KLF8: variants seen among roughly 807,000 people sequenced by gnomAD.
The protein encoded by KLF8 is Krueppel-like factor 8.
KLF8 carries 10 observed loss-of-function variants against 18.2 expected under a neutral mutation model. That is an observed-to-expected ratio of 0.55 (90% CI 0.34 to 0.93). The LOEUF (loss-of-function observed/expected upper bound fraction) is 0.93. KLF8 is among the 40% of genes least tolerant of loss of function. KLF8 has a pLI of 0.02. For synonymous variants in KLF8, 109 were observed against 97.3 expected, an observed-to-expected ratio of 1.12 and a Z score of -0.71; for missense variants, 264 against 277.9, an observed-to-expected ratio of 0.95 and a Z score of 0.36.
chrX:56,209,560 C>T, the KLF8 span, among the ~76,000 whole-genome samples: 2 of 111,655 alleles, frequency 1.8e-5, no homozygotes, highest in African/African-American at 6.5e-5. Context: ...ACCCATGAGG[C>T]AGAGGTTGTG....
chrX:56,248,968 C>T (rs1402389830), intron 1 of KLF8, among the ~76,000 whole-genome samples: 2 of 111,865 alleles, frequency 1.8e-5, no homozygotes, highest in Non-Finnish European at 3.8e-5. Flanking sequence ...TAAACACCTA[C>T]CATGTACCAG....
Position 56,285,053 on chromosome X carries a change from C to CACACTCAA in KLF8, c.*561_*568dup, listed in dbSNP as rs1320754283. ...CCAGTGAATAAGCTGAGTCCCATAC[C>CACACTCAA]ACACTCAAAAGGTTTTAATAAATCT... On this transcript the variant is annotated 3_prime_UTR_variant, in exon 6 of 6. Coordinates refer to ENST00000468660, the MANE Select transcript of KLF8 (RefSeq NM_007250.5). 1.8e-5 allele frequency: 2 copies of CACACTCAA among 111,661 alleles called. No individual in the cohort carries two copies. The highest frequency in any genetic ancestry group is 1.9e-4 in the Admixed American group (2 of 10,491). 9.2% of individuals were successfully genotyped at this position (111,661 alleles called of 1,213,427 possible).
At chrX:56,202,755 A>T in the KLF8 span, among the ~76,000 whole-genome samples, 6 of 111,118 alleles carry the variant, frequency 5.4e-5, no homozygotes, top group Non-Finnish European at 9.5e-5. Context: ...AAATGACTGA[A>T]TATCATTCTT....
chrX:56,182,714 T>C, the KLF8 span, among the ~76,000 whole-genome samples: 227 of 112,840 alleles, frequency 2.0e-3, no homozygotes, highest in African/African-American at 7.0e-3. Flanking sequence ...TGTAGGTCTG[T>C]TGGAGTTTGT....
At chrX:56,089,805 G>T in the KLF8 span, among the ~76,000 whole-genome samples, 1 of 112,268 alleles carries the variant, frequency 8.9e-6, no homozygotes, top group South Asian at 3.7e-4. Context: ...GTCTTATGTG[G>T]ACCCCACACA....
chrX:55,949,882 A>G, the KLF8 span, among the ~76,000 whole-genome samples: 1 of 111,345 alleles, frequency 9.0e-6, no homozygotes, highest in Non-Finnish European at 1.9e-5. Context: ...TGGGACCCAT[A>G]TGTTTAAGGT....
the KLF8 span, among the ~76,000 whole-genome samples, chrX:56,184,447 C>G: frequency 8.9e-6 from 1 of 112,645 alleles, no homozygotes; most frequent in Non-Finnish European, 1.9e-5. Flanking sequence ...GGGGGCAAGG[C>G]ACAGACAAAC....
chrX:55,940,767 A>G, the KLF8 span, among the ~76,000 whole-genome samples: 93 of 111,807 alleles, frequency 8.3e-4, no homozygotes, highest in African/African-American at 2.7e-3. Context: ...GTGAACTCCC[A>G]TTCACAATTG....
At chrX:56,075,920 T>G in the KLF8 span, among the ~76,000 whole-genome samples, 9 of 111,914 alleles carry the variant, frequency 8.0e-5, no homozygotes, top group African/African-American at 2.9e-4. Flanking sequence ...CATCTGTTGA[T>G]GGACGCTTAC....
At chrX:56,194,438 C>T in the KLF8 span, among the ~76,000 whole-genome samples, 2 of 112,136 alleles carry the variant, frequency 1.8e-5, no homozygotes, top group African/African-American at 3.2e-5. Context: ...GTCCCAGACC[C>T]GCAGAGCCTT....
intron 1 of KLF8, among the ~76,000 whole-genome samples, chrX:56,247,907 C>T (rs934836299): frequency 1.8e-5 from 2 of 111,220 alleles, no homozygotes; most frequent in African/African-American, 6.6e-5. Context: ...AAAACAATAA[C>T]ATAGTCATTT....
chrX:56,053,129 C>T, the KLF8 span, among the ~76,000 whole-genome samples: 33 of 112,120 alleles, frequency 2.9e-4, no homozygotes, highest in East Asian at 3.1e-3. Flanking sequence ...CTTCGGCTTG[C>T]GCACGGTGCC....
chrX:56,235,677 A>G (rs2066466047), intron 1 of KLF8, among the ~76,000 whole-genome samples: 1 of 110,788 alleles, frequency 9.0e-6, no homozygotes, highest in African/African-American at 3.3e-5. Flanking sequence ...CAGCCTCCCA[A>G]AGTGCTGGGA....
chrX:56,049,574 G>C, the KLF8 span, among the ~76,000 whole-genome samples: 1 of 104,448 alleles, frequency 9.6e-6, no homozygotes, highest in Non-Finnish European at 2.0e-5. Flanking sequence ...TACATTTATT[G>C]ATTTGCGTAT....
intron 1 of KLF8, among the ~76,000 whole-genome samples, chrX:56,247,665 A>G (rs138210966): frequency 0.014 from 1,542 of 110,111 alleles, 24 homozygotes; most frequent in African/African-American, 0.049. Flanking sequence ...GCCTAGGCCT[A>G]TGAGGGTCAG....
chrX:56,176,005 T>A, the KLF8 span, among the ~76,000 whole-genome samples: 1 of 111,986 alleles, frequency 8.9e-6, no homozygotes, highest in Non-Finnish European at 1.9e-5. Context: ...GCATGTGAGA[T>A]GTGTCTCCTG....
intron 3 of KLF8, 75 bp downstream of exon 3, chrX:56,265,819 T>C: frequency 1.8e-6 from 2 of 1,117,847 alleles, no homozygotes; most frequent in East Asian, 3.1e-5. Flanking sequence ...CTCCTGTCTC[T>C]TTTCACTTCC....
the KLF8 span, among the ~76,000 whole-genome samples, chrX:56,072,310 G>A: frequency 9.0e-6 from 1 of 111,612 alleles, no homozygotes; most frequent in African/African-American, 3.2e-5. Flanking sequence ...TTTTAGTTTA[G>A]CAGCAAGAAA....
the KLF8 span, among the ~76,000 whole-genome samples, chrX:56,048,980 T>C: frequency 8.9e-6 from 1 of 111,745 alleles, no homozygotes; most frequent in African/African-American, 3.3e-5. Flanking sequence ...AAGAGTTCCT[T>C]CACATCCCTT....
Sources: allele counts gnomAD v4.1 joint callset (sites outside exome capture counted in the v4.1 genomes callset), GRCh38; gene constraint gnomAD v4.1.1; transcripts MANE v1.5; gene names NCBI Gene and HGNC (gene_info 2026-07-23, HGNC 2026-07-21).